LIPA: variants seen among roughly 807,000 people sequenced by gnomAD.
LIPA encodes the protein lysosomal acid lipase/cholesteryl ester hydrolase.
Under a neutral mutation model 40.6 loss-of-function variants are expected in LIPA, and 26 were observed. The observed-to-expected ratio is 0.64, with a 90% CI of 0.47 to 0.89. The LOEUF (loss-of-function observed/expected upper bound fraction) is 0.89. Among genes scored for constraint, LIPA ranks in the 40% least tolerant of loss-of-function variants. The pLI, the probability that LIPA is intolerant of heterozygous loss-of-function variation, is 0.00. For synonymous variants in LIPA, 188 were observed against 168.4 expected (o/e 1.12, Z -0.90); for missense variants, 455 against 479.6 (o/e 0.95, Z 0.48).
At chr10:89,276,505 C>A (rs551774024) in intron 1 of LIPA, among the ~76,000 whole-genome samples, 2 of 152,182 alleles carry the variant, frequency 1.3e-5, no homozygotes, top group African/African-American at 4.8e-5. Flanking sequence ...ATTGCCCTAT[C>A]TTGAGATATC....
chr10:89,320,670 C>T (rs975418173), intron 1 of LIPA, among the ~76,000 whole-genome samples: 1 of 152,150 alleles, frequency 6.6e-6, no homozygotes, highest in Non-Finnish European at 1.5e-5. Context: ...TTCATGCCAT[C>T]CCCATCAAAC....
chr10:89,317,133 T>C (rs999911480), intron 1 of LIPA, among the ~76,000 whole-genome samples: 36 of 152,094 alleles, frequency 2.4e-4, no homozygotes, highest in African/African-American at 8.7e-4. Flanking sequence ...AAGCTGAAAA[T>C]TCTAAAAAAT....
chr10:89,370,630 T>C (rs1472201214), intron 2 of LIPA, among the ~76,000 whole-genome samples: 1 of 152,174 alleles, frequency 6.6e-6, no homozygotes, highest in Non-Finnish European at 1.5e-5. Flanking sequence ...AACTCTTTGC[T>C]GTGAGGGGTT....
intron 1 of LIPA, chr10:89,284,019 T>C (rs2059737593): frequency 6.6e-6 from 1 of 152,236 alleles, no homozygotes; most frequent in East Asian, 1.9e-4. Flanking sequence ...TAGAGAATAC[T>C]TGTTTCTTGT....
intron 2 of LIPA, chr10:89,412,656 T>C: frequency 5.6e-6 from 2 of 357,436 alleles, no homozygotes. Context: ...TCTACGGCTT[T>C]ACTCCTGAAG....
At chr10:89,300,288 GAGTT>G (rs1362501968) in intron 1 of LIPA, among the ~76,000 whole-genome samples, 2 of 152,160 alleles carry the variant, frequency 1.3e-5, no homozygotes, top group Non-Finnish European at 2.9e-5. Flanking sequence ...GGGAAGATGA[GAGTT>G]AGGTTATGGG....
In LIPA at chr10:89,286,137, T is replaced by C. The variant is rs565425162; in HGVS notation, c.-1-38488A>G. ...TAATTTTTGTCGAAAAATGGGCAAA[T>C]GGTCTGAGGTGCCTGACGTCCAGGC... is the stretch of plus-strand genomic sequence containing the variant. On this transcript the variant is annotated intron_variant, in intron 1 of 5. Transcript: ENST00000282673. 2.0e-5 allele frequency among the ~76,000 whole-genome samples: 3 copies of C among 152,164 alleles called. No individual in the cohort carries two copies. The East Asian group carries it at 5.8e-4, about 29-fold the overall frequency.
At chr10:89,306,192 A>T (rs17468739) in intron 1 of LIPA, 7 of 1,613,990 alleles carry the variant, frequency 4.3e-6, no homozygotes, top group Non-Finnish European at 5.9e-6. Flanking sequence ...AAAGCTGAAG[A>T]GTTAATCCAG....
intron 1 of LIPA, among the ~76,000 whole-genome samples, chr10:89,271,503 C>G (rs192712927): frequency 6.6e-6 from 1 of 152,280 alleles, no homozygotes; most frequent in Non-Finnish European, 1.5e-5. Context: ...GGTGATTTAT[C>G]CTGGCTATGA....
chr10:89,372,763 T>C (rs532564295), intron 2 of LIPA, among the ~76,000 whole-genome samples: 5 of 152,260 alleles, frequency 3.3e-5, no homozygotes, highest in Non-Finnish European at 7.3e-5. Context: ...CAGCTCAATG[T>C]ATAATCCTAA....
intron 3 of LIPA, among the ~76,000 whole-genome samples, chr10:89,229,502 G>A (rs1402521643): frequency 6.6e-6 from 1 of 152,200 alleles, no homozygotes; most frequent in African/African-American, 2.4e-5. Context: ...TGCAATCCCA[G>A]CACTTTGGGA....
chr10:89,228,969 C>T (rs1418082224), intron 3 of LIPA, among the ~76,000 whole-genome samples: 1 of 152,236 alleles, frequency 6.6e-6, no homozygotes, highest in Non-Finnish European at 1.5e-5. Flanking sequence ...ACTAAACATA[C>T]TCTTACCATA....
At chr10:89,302,129 GT>G (rs1843448920) in intron 1 of LIPA, 1 of 1,613,746 alleles carries the variant, frequency 6.2e-7, no homozygotes, top group Admixed American at 1.7e-5. Context: ...CAACCATGAG[GT>G]AAATATTTTC....
At chr10:89,391,186 G>GT (rs773924758) in intron 2 of LIPA, among the ~76,000 whole-genome samples, 51 of 152,240 alleles carry the variant, frequency 3.3e-4, no homozygotes, top group Admixed American at 7.8e-4. Context: ...AAGTAGGTAG[G>GT]TTTTTTTAAA....
intron 1 of LIPA, among the ~76,000 whole-genome samples, chr10:89,261,903 C>T (rs187908115): frequency 2.6e-5 from 4 of 152,218 alleles, no homozygotes; most frequent in African/African-American, 7.2e-5. Context: ...ATTTTTTTGC[C>T]GTAACCAATC....
intron 2 of LIPA, chr10:89,392,780 A>G (rs1293847908): frequency 6.5e-7 from 1 of 1,531,066 alleles, no homozygotes; most frequent in African/African-American, 1.4e-5. Flanking sequence ...GTAATTAAAT[A>G]CTATTTCAAC....
At chr10:89,292,799 C>T (rs1843382112) in intron 1 of LIPA, among the ~76,000 whole-genome samples, 1 of 151,728 alleles carries the variant, frequency 6.6e-6, no homozygotes, top group African/African-American at 2.4e-5. Flanking sequence ...GCTCATGCCA[C>T]CATGCCTGGC....
chr10:89,407,320 A>AGTCCCGCTTCTAAAAACCACTCCCT (rs1841428088), intron 2 of LIPA, among the ~76,000 whole-genome samples: 1 of 152,196 alleles, frequency 6.6e-6, no homozygotes, highest in Admixed American at 6.5e-5. Flanking sequence ...CTCCGAGGCT[A>AGTCCCGCTTCTAAAAACCACTCCCT]GTCCCGCTTC....
chr10:89,373,659 A>T (rs1192408384), intron 2 of LIPA, among the ~76,000 whole-genome samples: 1 of 152,230 alleles, frequency 6.6e-6, no homozygotes, highest in Non-Finnish European at 1.5e-5. Flanking sequence ...TTCTAGACTC[A>T]GAGCCTCATA....
Sources: gnomAD v4.1 joint callset for allele counts (sites outside exome capture counted in the v4.1 genomes callset) on GRCh38, gnomAD v4.1.1 for gene constraint, MANE v1.5 for transcripts, NCBI Gene and HGNC (gene_info 2026-07-23, HGNC 2026-07-21) for gene names.